Variants in NRG3 observed in about 807,000 individuals in gnomAD.
The protein encoded by NRG3 is pro-neuregulin-3, membrane-bound isoform.
A neutral mutation model predicts 66.9 loss-of-function variants in NRG3; 31 were observed. The observed-to-expected ratio is 0.46, with a 90% CI of 0.35 to 0.63. The LOEUF (loss-of-function observed/expected upper bound fraction) is 0.63, where lower values mean the gene tolerates loss of function less well. Among genes scored for constraint, NRG3 ranks in the 20% least tolerant of loss-of-function variants. The pLI, the probability that NRG3 is intolerant of heterozygous loss-of-function variation, is 0.00. For missense variants in NRG3, 910 were observed against 878.9 expected, an observed-to-expected ratio of 1.04 and a Z score of -0.45; for synonymous variants, 393 against 359.4, an observed-to-expected ratio of 1.09 and a Z score of -1.06.
chr10:82,956,282 A>G (rs1382855607), intron 5 of NRG3, among the ~76,000 whole-genome samples: 1 of 152,026 alleles, frequency 6.6e-6, no homozygotes. Flanking sequence ...GGCTAATAGT[A>G]TTCCCATGTG....
chr10:82,790,729 C>T (rs1334617688), intron 3 of NRG3, among the ~76,000 whole-genome samples: 1 of 151,922 alleles, frequency 6.6e-6, no homozygotes, highest in Non-Finnish European at 1.5e-5. Flanking sequence ...ATTGATGGTA[C>T]CACATAGTCT....
At chr10:82,822,946 T>A (rs1279943615) in intron 3 of NRG3, among the ~76,000 whole-genome samples, 1 of 152,216 alleles carries the variant, frequency 6.6e-6, no homozygotes, top group Non-Finnish European at 1.5e-5. Context: ...ATAGCGGGGC[T>A]AACAGGCTGA....
intron 6 of NRG3, among the ~76,000 whole-genome samples, chr10:82,961,516 C>T (rs1850638697): frequency 1.3e-5 from 2 of 152,182 alleles, no homozygotes; most frequent in African/African-American, 4.8e-5. Context: ...AGCTGAAAGA[C>T]AAACCAACAT....
intron 1 of NRG3, among the ~76,000 whole-genome samples, chr10:82,151,437 G>C (rs1445864199): frequency 1.3e-5 from 2 of 152,146 alleles, no homozygotes; most frequent in African/African-American, 2.4e-5. Flanking sequence ...GGATGAAAAA[G>C]AATCAGATGG....
chr10:82,397,432 G>T (rs924206020), intron 2 of NRG3, among the ~76,000 whole-genome samples: 9 of 152,188 alleles, frequency 5.9e-5, no homozygotes, highest in Non-Finnish European at 1.3e-4. Context: ...GCATTTCATA[G>T]TGAGAACATG....
intron 1 of NRG3, among the ~76,000 whole-genome samples, chr10:81,927,773 T>A (rs1184358411): frequency 6.6e-6 from 1 of 152,096 alleles, no homozygotes; most frequent in African/African-American, 2.4e-5. Context: ...GCCATGAGTA[T>A]TCCAAAGTAA....
chr10:82,929,935 G>A (rs1342141318), intron 4 of NRG3, among the ~76,000 whole-genome samples: 1 of 151,862 alleles, frequency 6.6e-6, no homozygotes, highest in Non-Finnish European at 1.5e-5. Flanking sequence ...AACACAAAGA[G>A]GGATTTTGAT....
intron 2 of NRG3, among the ~76,000 whole-genome samples, chr10:82,434,397 G>C (rs923755271): frequency 1.3e-5 from 2 of 152,114 alleles, no homozygotes; most frequent in African/African-American, 4.8e-5. Context: ...TCCGCAAACA[G>C]GGACAACTTG....
At chr10:82,381,171 T>G (rs2085590595) in intron 2 of NRG3, among the ~76,000 whole-genome samples, 2 of 152,116 alleles carry the variant, frequency 1.3e-5, no homozygotes, top group African/African-American at 4.8e-5. Flanking sequence ...AGGAAGAAGA[T>G]TCCATCAATT....
At chr10:82,220,748 G>A (rs981521146) in intron 1 of NRG3, among the ~76,000 whole-genome samples, 1 of 152,096 alleles carries the variant, frequency 6.6e-6, no homozygotes, top group Non-Finnish European at 1.5e-5. Flanking sequence ...GAGCATCATA[G>A]CCTGTAGTCC....
intron 2 of NRG3, among the ~76,000 whole-genome samples, chr10:82,651,641 C>T (rs1232122503): frequency 6.6e-6 from 1 of 152,102 alleles, no homozygotes; most frequent in African/African-American, 2.4e-5. Flanking sequence ...AGCCTTTGGC[C>T]CATAATTTTC....
intron 3 of NRG3, among the ~76,000 whole-genome samples, chr10:82,792,452 C>T (rs1018942904): frequency 6.6e-6 from 1 of 151,944 alleles, no homozygotes; most frequent in African/African-American, 2.4e-5. Flanking sequence ...CTTTGTTATT[C>T]CTTCTGTTCA....
At chr10:82,677,085 G>A (rs1296760321) in intron 2 of NRG3, among the ~76,000 whole-genome samples, 4 of 143,458 alleles carry the variant, frequency 2.8e-5, no homozygotes, top group African/African-American at 5.2e-5. Flanking sequence ...TTAAAAGCAG[G>A]GTCTCATTGT....
chr10:82,857,997 A>T (rs1201683254), intron 3 of NRG3, among the ~76,000 whole-genome samples: 1 of 152,102 alleles, frequency 6.6e-6, no homozygotes, highest in African/African-American at 2.4e-5. Context: ...GCTCACCAGG[A>T]GTGTGCTCAC....
chr10:82,539,709 T>C (rs1336934392), intron 2 of NRG3, among the ~76,000 whole-genome samples: 1 of 151,770 alleles, frequency 6.6e-6, no homozygotes, highest in African/African-American at 2.4e-5. Context: ...TCTCGTCTCA[T>C]TGCAACCTCC....
chr10:81,886,057 C>G (rs868694084), intron 1 of NRG3, among the ~76,000 whole-genome samples: 1 of 151,996 alleles, frequency 6.6e-6, no homozygotes, highest in South Asian at 2.1e-4. Context: ...AGCTAATGCA[C>G]GCGGGGCTTA....
At chr10:82,693,245 T>C (rs2055088163) in intron 2 of NRG3, among the ~76,000 whole-genome samples, 1 of 152,236 alleles carries the variant, frequency 6.6e-6, no homozygotes, top group Non-Finnish European at 1.5e-5. Context: ...GCCAACAGCA[T>C]TCATTTATTT....
chr10:82,604,805 T>C (rs1268519285), intron 2 of NRG3, among the ~76,000 whole-genome samples: 1 of 152,088 alleles, frequency 6.6e-6, no homozygotes, highest in Non-Finnish European at 1.5e-5. Flanking sequence ...GCAAATTTCT[T>C]TTTCTTTTTT....
At chr10:82,407,034 A>C (rs1193990631) in intron 2 of NRG3, among the ~76,000 whole-genome samples, 1 of 151,316 alleles carries the variant, frequency 6.6e-6, no homozygotes, top group Non-Finnish European at 1.5e-5. Context: ...CCAGTAAATA[A>C]CCTTTTGTAA....
Sources: gnomAD v4.1 joint callset for allele counts (sites outside exome capture counted in the v4.1 genomes callset) on GRCh38, gnomAD v4.1.1 for gene constraint, MANE v1.5 for transcripts, NCBI Gene and HGNC (gene_info 2026-07-23, HGNC 2026-07-21) for gene names.